The following FAM171A1 variants were observed in gnomAD, a reference collection of about 807,000 sequenced individuals.
FAM171A1 encodes the protein protein FAM171A1.
FAM171A1 carries 23 observed loss-of-function variants against 74.9 expected under a neutral mutation model. That is an observed-to-expected ratio of 0.31 (90% CI 0.22 to 0.44). The LOEUF (loss-of-function observed/expected upper bound fraction) is 0.44. Among genes scored for constraint, FAM171A1 ranks in the 20% least tolerant of loss-of-function variants. FAM171A1 has a pLI of 1.00. For synonymous variants in FAM171A1, 527 were observed against 505.7 expected, an observed-to-expected ratio of 1.04 and a Z score of -0.57; for missense variants, 1,162 against 1,159.2, an observed-to-expected ratio of 1.00 and a Z score of -0.03.
intron 5 of FAM171A1, among the ~76,000 whole-genome samples, chr10:15,247,544 T>C (rs545109846): frequency 1.3e-5 from 2 of 152,266 alleles, no homozygotes; most frequent in Admixed American, 6.5e-5. Context: ...CTCCCCTGTA[T>C]AGTCTACTCT....
chr10:15,300,292 C>T (rs1835212268), intron 1 of FAM171A1, among the ~76,000 whole-genome samples: 1 of 152,180 alleles, frequency 6.6e-6, no homozygotes, highest in Non-Finnish European at 1.5e-5. Flanking sequence ...GCACAGAATG[C>T]ACATTTCACG....
chr10:15,352,633 T>C (rs1002871261), intron 1 of FAM171A1, among the ~76,000 whole-genome samples: 1 of 152,176 alleles, frequency 6.6e-6, no homozygotes, highest in Non-Finnish European at 1.5e-5. Flanking sequence ...GAGGTTCAAG[T>C]AGGTGAAGAA....
intron 1 of FAM171A1, among the ~76,000 whole-genome samples, chr10:15,333,250 T>C (rs1481391861): frequency 6.6e-6 from 1 of 152,206 alleles, no homozygotes; most frequent in Non-Finnish European, 1.5e-5. Flanking sequence ...TCCCAGTACT[T>C]TGGGAGGCCG....
At chr10:15,366,881 T>C (rs1836069191) in intron 1 of FAM171A1, among the ~76,000 whole-genome samples, 1 of 152,334 alleles carries the variant, frequency 6.6e-6, no homozygotes, top group African/African-American at 2.4e-5. Context: ...GTCAGTAATT[T>C]GGTTAAAATA....
rs1013788044 is a variant in FAM171A1 at position 15,214,307 on chromosome 10, G to A, written c.1281C>T (p.Ser427=). Residue 427 remains serine (S), a synonymous_variant, in exon 8 of 8, where the codon TCC becomes TCT. Coordinates refer to ENST00000378116, the MANE Select transcript of FAM171A1 (RefSeq NM_001010924.2). ...LSYSTSQEFS[S]REELLSCKEE... is the part of the protein sequence containing the mutation. ...CCTTGCAAGAGAGGAGCTCCTCCCG[G>A]GAGCTAAATTCCTGGGAGGTGCTGT... is the stretch of plus-strand genomic sequence containing the variant. The A allele has an allele frequency of 6.2e-7, 1 of 1,613,216 alleles. No individual in the cohort carries two copies. The highest frequency in any genetic ancestry group is 2.2e-5 in the East Asian group (1 of 44,880).
intron 3 of FAM171A1, among the ~76,000 whole-genome samples, chr10:15,274,745 G>A (rs559219956): frequency 5.9e-5 from 9 of 152,154 alleles, no homozygotes; most frequent in South Asian, 4.2e-4. Context: ...ATCTACAACC[G>A]TCTGATCTTT....
At chr10:15,249,148 G>A (rs1031721760) in intron 4 of FAM171A1, among the ~76,000 whole-genome samples, 3 of 147,766 alleles carry the variant, frequency 2.0e-5, no homozygotes, top group Admixed American at 6.9e-5. Context: ...CCAGGCTGGA[G>A]TGCGATGGCA....
chr10:15,278,824 G>A (rs1267281295), intron 2 of FAM171A1, among the ~76,000 whole-genome samples: 1 of 152,188 alleles, frequency 6.6e-6, no homozygotes, highest in Non-Finnish European at 1.5e-5. Flanking sequence ...ATTAGTCACT[G>A]TTGGGAGGAA....
intron 1 of FAM171A1, among the ~76,000 whole-genome samples, chr10:15,365,835 C>A (rs1454921936): frequency 6.6e-6 from 1 of 150,896 alleles, no homozygotes; most frequent in Non-Finnish European, 1.5e-5. Flanking sequence ...TGTTTGCAGA[C>A]AGACTTGAAT....
intron 1 of FAM171A1, among the ~76,000 whole-genome samples, chr10:15,345,045 C>A (rs1470152199): frequency 6.6e-6 from 1 of 152,230 alleles, no homozygotes; most frequent in Non-Finnish European, 1.5e-5. Flanking sequence ...CTTCAGCTAT[C>A]TGTAGAAGCC....
chr10:15,277,949 T>C (rs12257201), intron 2 of FAM171A1, among the ~76,000 whole-genome samples: 38,397 of 151,948 alleles, frequency 0.25, 4,991 homozygotes, highest in Middle Eastern at 0.3. Context: ...AGTGATGGGG[T>C]TTCGTCACAT....
At chr10:15,298,581 A>G (rs189187643) in intron 1 of FAM171A1, among the ~76,000 whole-genome samples, 2 of 152,344 alleles carry the variant, frequency 1.3e-5, no homozygotes, top group East Asian at 3.9e-4. Context: ...TAACTGTTCG[A>G]AAGAAATAAG....
At chr10:15,348,907 C>T (rs1224273051) in intron 1 of FAM171A1, among the ~76,000 whole-genome samples, 1 of 152,186 alleles carries the variant, frequency 6.6e-6, no homozygotes, top group African/African-American at 2.4e-5. Flanking sequence ...TTGACCTTTT[C>T]TCTAAAGCAA....
chr10:15,266,377 C>T (rs547886657), intron 3 of FAM171A1, among the ~76,000 whole-genome samples: 1 of 152,158 alleles, frequency 6.6e-6, no homozygotes, highest in African/African-American at 2.4e-5. Context: ...ACACAAGCCC[C>T]TCGGCTGCCA....
chr10:15,280,388 C>G (rs916066323), intron 2 of FAM171A1, among the ~76,000 whole-genome samples: 1 of 152,196 alleles, frequency 6.6e-6, no homozygotes, highest in Non-Finnish European at 1.5e-5. Context: ...GACTGGAGGC[C>G]ATTGCCATGG....
intron 1 of FAM171A1, among the ~76,000 whole-genome samples, chr10:15,360,468 C>A (rs1389146192): frequency 6.6e-6 from 1 of 152,166 alleles, no homozygotes; most frequent in African/African-American, 2.4e-5. Context: ...GGAATTGAAC[C>A]ATCTTTCACA....
chr10:15,214,441 C>G lies in FAM171A1; in HGVS notation c.1147G>C (p.Gly383Arg), dbSNP rs150647132. 1.2e-6 allele frequency: 2 copies of G among 1,613,950 alleles called. No individual in the cohort carries two copies. The highest frequency in any genetic ancestry group is 1.3e-5 in the African/African-American group (1 of 74,896). Reference protein sequence around the residue: ...FPGPLSVTSHGRPEAPGTKEL... With the variant: ...FPGPLSVTSHRRPEAPGTKEL... ...TTCGTGCCGGGGGCCTCGGGGCGGC[C>G]GTGGCTGGTGACGGACAGCGGGCCA... The change falls in exon 8 of 8, where the codon GGC (glycine) becomes CGC (arginine). Residue 383 changes from glycine (G) to arginine (R), a missense_variant. Transcript: ENST00000378116.
intron 5 of FAM171A1, among the ~76,000 whole-genome samples, chr10:15,247,234 T>A (rs1236493416): frequency 2.0e-5 from 3 of 152,252 alleles, no homozygotes; most frequent in Non-Finnish European, 2.9e-5. Flanking sequence ...TGGAAAGATG[T>A]TCATGCTGTA....
At chr10:15,285,252 C>T (rs1388281906) in intron 1 of FAM171A1, among the ~76,000 whole-genome samples, 1 of 152,094 alleles carries the variant, frequency 6.6e-6, no homozygotes, top group Non-Finnish European at 1.5e-5. Context: ...ATGGCAGGTT[C>T]TGAAAGCTGG....
Sources: allele counts gnomAD v4.1 joint callset (sites outside exome capture counted in the v4.1 genomes callset), GRCh38; gene constraint gnomAD v4.1.1; transcripts MANE v1.5; gene names NCBI Gene and HGNC (gene_info 2026-07-23, HGNC 2026-07-21).